The following ATP7B variants were observed in gnomAD, a reference collection of about 807,000 sequenced individuals.
The protein encoded by ATP7B is copper-transporting ATPase 2.
In ATP7B, 113 loss-of-function variants were observed where a neutral mutation model predicts 118.9. That is an observed-to-expected ratio of 0.95 (90% CI 0.82 to 1.11). ATP7B has a LOEUF of 1.11. ATP7B is among the 50% of genes most tolerant of loss of function. The pLI is 0.00. For missense variants in ATP7B, 1,867 were observed against 1,871.4 expected (o/e 1.00, Z 0.04); for synonymous variants, 777 against 727.4 (o/e 1.07, Z -1.10).
intron 12 of ATP7B, 31 bp from the exon 13 acceptor site, chr13:51,946,509 G>T: frequency 6.2e-7 from 1 of 1,611,736 alleles, no homozygotes; most frequent in South Asian, 1.1e-5. Flanking sequence ...GAGGCAGGTT[G>T]AGAGTTCAAT....
chr13:51,946,486 CAG>C lies in ATP7B; in HGVS notation c.2866-10_2866-9del. The stretch of plus-strand genomic sequence containing the variant: ...GATGTGCTTGTTGGGGTTCTGAAAA[CAG>C]GACAGAGTCAGAGGCAGGTTGAGAG... On this transcript the variant is annotated splice_polypyrimidine_tract_variant and intron_variant, in intron 12 of 20. Transcript: ENST00000242839. 1.2e-6 allele frequency: 2 copies of C among 1,614,138 alleles called. No homozygotes were observed. Among genetic ancestry groups the C allele is most frequent in the Non-Finnish European group, 1.7e-6 (2 of 1,180,010 alleles).
At chr13:51,940,955 C>A in intron 16 of ATP7B, 126 bp downstream of exon 16, 1 of 1,392,112 alleles carries the variant, frequency 7.2e-7, no homozygotes, top group Non-Finnish European at 1.0e-6. Context: ...GGAAAACAGG[C>A]CTGAAATTAA....
Position 51,974,121 on chromosome 13 carries a change from C to T in ATP7B, c.1099G>A (p.Gly367Ser), listed in dbSNP as rs1023755495. ...TCSTTLIAIAGMTCASCVHSI... is the reference protein window; with the variant it reads ...TCSTTLIAIASMTCASCVHSI... The stretch of plus-strand genomic sequence containing the variant: ...TGGACACAGGATGCACAGGTCATGC[C>T]GGCAATGGCAATCAGAGTGGTACTG... The change falls in exon 2 of 21, where the codon GGC becomes AGC. Residue 367 changes from glycine to serine, a missense_variant. Coordinates refer to ENST00000242839, the MANE Select transcript of ATP7B (RefSeq NM_000053.4). 1.3e-5 allele frequency: 21 copies of T among 1,613,690 alleles called. No individual in the cohort carries two copies. Among genetic ancestry groups the T allele is most frequent in the Non-Finnish European group, 1.7e-5 (20 of 1,180,004 alleles).
At chr13:51,999,341 C>T (rs1286904012) in intron 1 of ATP7B, among the ~76,000 whole-genome samples, 3 of 152,142 alleles carry the variant, frequency 2.0e-5, no homozygotes, top group East Asian at 1.9e-4. Flanking sequence ...CTCCCCATAT[C>T]GCTGCTGATC....
At chr13:51,937,787 G>GTGATGTT in intron 17 of ATP7B, 108 bp from the exon 18 acceptor site, 1 of 1,292,094 alleles carries the variant, frequency 7.7e-7, no homozygotes, top group South Asian at 1.2e-5. Flanking sequence ...GGTCCAGTCA[G>GTGATGTT]TGATGTTGGT....
chr13:51,956,172 A>T (rs1436135333), intron 9 of ATP7B, among the ~76,000 whole-genome samples: 1 of 152,168 alleles, frequency 6.6e-6, no homozygotes, highest in East Asian at 1.9e-4. Flanking sequence ...CCAGAACAAA[A>T]CCAGTGCCAC....
At position 51,958,313 on chromosome 13, in the gene ATP7B, T is replaced by C; in HGVS notation, c.2353A>G (p.Lys785Glu). ...TCTGAACCTGAAGCTGCTGTTACCTTTGCCAAGTGTTCCAGCCACCGGCCC... is the reference window on the plus strand; with the variant it reads ...TCTGAACCTGAAGCTGCTGTTACCTCTGCCAAGTGTTCCAGCCACCGGCCC... The part of the protein sequence containing the change: ...ALGRWLEHLA[K>E]SKTSEALAKL... The change falls in exon 8 of 21, where the codon AAG becomes GAG. Residue 785 changes from lysine to glutamate, a missense_variant and splice_region_variant. Coordinates refer to ENST00000242839, the MANE Select transcript of ATP7B (RefSeq NM_000053.4). The C allele has an allele frequency of 6.2e-7, 1 of 1,614,170 alleles. No individual in the cohort carries two copies. Among genetic ancestry groups the C allele is most frequent in the Non-Finnish European group, 8.5e-7 (1 of 1,180,022 alleles).
intron 1 of ATP7B, among the ~76,000 whole-genome samples, chr13:51,981,627 G>T (rs1457340642): frequency 6.6e-6 from 1 of 152,090 alleles, no homozygotes; most frequent in East Asian, 1.9e-4. Flanking sequence ...AACCATCCCA[G>T]GCATCCAGGC....
chr13:51,953,713 G>A (rs184376581), intron 9 of ATP7B, among the ~76,000 whole-genome samples: 1 of 152,084 alleles, frequency 6.6e-6, no homozygotes, highest in African/African-American at 2.4e-5. Context: ...GTTTCTGCCA[G>A]GAATCTGTTT....
intron 1 of ATP7B, among the ~76,000 whole-genome samples, chr13:51,991,069 G>A (rs761056514): frequency 2.6e-5 from 4 of 151,666 alleles, no homozygotes; most frequent in Non-Finnish European, 5.9e-5. Flanking sequence ...GCCTGGCGAC[G>A]GAGCGAGACT....
chr13:51,940,227 G>A (rs1316669014), intron 16 of ATP7B, among the ~76,000 whole-genome samples: 1 of 148,960 alleles, frequency 6.7e-6, no homozygotes, highest in Non-Finnish European at 1.5e-5. Flanking sequence ...TGGTCAGACT[G>A]GTCTCGAACT....
At chr13:51,978,208 G>C (rs1444948423) in intron 1 of ATP7B, among the ~76,000 whole-genome samples, 1 of 151,722 alleles carries the variant, frequency 6.6e-6, no homozygotes, top group African/African-American at 2.4e-5. Flanking sequence ...AAAAACTGGG[G>C]GAAAAAAGAT....
intron 1 of ATP7B, among the ~76,000 whole-genome samples, chr13:51,998,901 C>A (rs1310649853): frequency 6.6e-6 from 1 of 152,170 alleles, no homozygotes; most frequent in African/African-American, 2.4e-5. Context: ...TCACACTGGG[C>A]AGGGCTTCCC....
intron 1 of ATP7B, among the ~76,000 whole-genome samples, chr13:51,982,992 G>A (rs868453772): frequency 7.9e-5 from 12 of 152,194 alleles, no homozygotes; most frequent in Non-Finnish European, 1.3e-4. Flanking sequence ...ACAGCCGTTT[G>A]GGCAGACACC....
At chr13:51,957,799 G>A in intron 8 of ATP7B, 192 bp from the exon 9 acceptor site, 1 of 620,864 alleles carries the variant, frequency 1.6e-6, no homozygotes, top group Non-Finnish European at 2.9e-6. Flanking sequence ...CCACAGTGAT[G>A]CACAGTGCCT....
chr13:52,008,078 A>G (rs1953859263), intron 1 of ATP7B, among the ~76,000 whole-genome samples: 1 of 151,998 alleles, frequency 6.6e-6, no homozygotes, highest in Non-Finnish European at 1.5e-5. Flanking sequence ...CAGTGGCCTC[A>G]CGCCTGTAAT....
chr13:51,935,489 G>A, intron 20 of ATP7B, 104 bp downstream of exon 20: 2 of 1,255,438 alleles, frequency 1.6e-6, no homozygotes, highest in Admixed American at 3.9e-5. Flanking sequence ...ATTTGTCCCA[G>A]GTGAATGAAT....
At chr13:51,961,448 C>T (rs942389278) in intron 6 of ATP7B, among the ~76,000 whole-genome samples, 2 of 150,726 alleles carry the variant, frequency 1.3e-5, no homozygotes, top group African/African-American at 4.9e-5. Flanking sequence ...CAAATAAAGT[C>T]TGAAAACATT....
rs1414597441 is a variant in ATP7B, at chr13:51,934,910, C to T, written c.4244G>A (p.Arg1415Lys). The change falls in exon 21 of 21, where the codon AGG becomes AAG. Residue 1415 changes from arginine to lysine, a missense_variant. Transcript: ENST00000242839. ...GMDDRWRDSP[R>K]ATPWDQVSYV... ...GCTGACCTGGTCCCATGGTGTGGCC[C>T]TGGGGGAGTCCCGCCACCTGTCATC... is the stretch of plus-strand genomic sequence containing the variant. 1 of 1,614,014 alleles carries T rather than the reference C, an allele frequency of 6.2e-7. No homozygotes were observed. Among genetic ancestry groups the T allele is most frequent in the Non-Finnish European group, 8.5e-7 (1 of 1,180,036 alleles).
Sources: allele counts gnomAD v4.1 joint callset (sites outside exome capture counted in the v4.1 genomes callset), GRCh38; gene constraint gnomAD v4.1.1; transcripts MANE v1.5; gene names NCBI Gene and HGNC (gene_info 2026-07-23, HGNC 2026-07-21).